Variants in RIMS2 observed in about 807,000 individuals in gnomAD.
RIMS2 encodes regulating synaptic membrane exocytosis protein 2.
In RIMS2, 59 loss-of-function variants were observed where a neutral mutation model predicts 174.4. That is an observed-to-expected ratio of 0.34 (90% CI 0.27 to 0.42). The LOEUF (loss-of-function observed/expected upper bound fraction) is 0.42. RIMS2 is among the 10% of genes least tolerant of loss of function. RIMS2 has a pLI of 1.00. For synonymous variants in RIMS2, 606 were observed against 572.5 expected, an observed-to-expected ratio of 1.06 and a Z score of -0.84; for missense variants, 1,620 against 1,666.3, an observed-to-expected ratio of 0.97 and a Z score of 0.48.
At chr8:103,926,086 T>C (rs1408132247) in intron 10 of RIMS2, among the ~76,000 whole-genome samples, 1 of 151,674 alleles carries the variant, frequency 6.6e-6, no homozygotes, top group Admixed American at 6.6e-5. Context: ...AAATGTTTGC[T>C]TTTAAAGGAT....
At chr8:103,764,654 T>C in intron 2 of RIMS2, among the ~76,000 whole-genome samples, 1 of 152,248 alleles carries the variant, frequency 6.6e-6, no homozygotes, top group East Asian at 1.9e-4. Context: ...AAAATACTTA[T>C]AAAAATAAAA....
chr8:103,601,739 G>A (rs910662314), intron 1 of RIMS2, among the ~76,000 whole-genome samples: 1 of 151,394 alleles, frequency 6.6e-6, no homozygotes, highest in Non-Finnish European at 1.5e-5. Context: ...TCTCTTTCCT[G>A]TCTTTTTTAG....
At chr8:103,653,994 G>T (rs1420939706) in intron 1 of RIMS2, among the ~76,000 whole-genome samples, 1 of 151,912 alleles carries the variant, frequency 6.6e-6, no homozygotes, top group East Asian at 1.9e-4. Flanking sequence ...ATGACATAAG[G>T]AGTAAAATTA....
intron 15 of RIMS2, among the ~76,000 whole-genome samples, chr8:103,972,892 G>A (rs572669627): frequency 1.3e-5 from 2 of 151,918 alleles, no homozygotes; most frequent in African/African-American, 2.4e-5. Flanking sequence ...GCTGTATGTG[G>A]TTATTTAAAT....
At chr8:104,245,863 T>A (rs996900222) in intron 20 of RIMS2, among the ~76,000 whole-genome samples, 1 of 152,198 alleles carries the variant, frequency 6.6e-6, no homozygotes, top group Non-Finnish European at 1.5e-5. Flanking sequence ...ACAACATAAA[T>A]ACAAGAGATA....
At chr8:103,753,483 T>G (rs1021654549) in intron 2 of RIMS2, among the ~76,000 whole-genome samples, 4 of 152,216 alleles carry the variant, frequency 2.6e-5, no homozygotes, top group Non-Finnish European at 5.9e-5. Flanking sequence ...CCTCTTTTTC[T>G]ATTGATTGGA....
intron 2 of RIMS2, among the ~76,000 whole-genome samples, chr8:103,729,187 A>G (rs1199252201): frequency 1.3e-5 from 2 of 152,138 alleles, no homozygotes; most frequent in African/African-American, 2.4e-5. Flanking sequence ...AAATTCAGCA[A>G]TGAAGACGTT....
chr8:103,812,906 G>T (rs1314468799), intron 3 of RIMS2, among the ~76,000 whole-genome samples: 2 of 152,118 alleles, frequency 1.3e-5, no homozygotes, highest in Non-Finnish European at 2.9e-5. Flanking sequence ...ATAGCCTTTA[G>T]ATTTTTATCA....
At chr8:103,935,565 T>C (rs1377170686) in intron 12 of RIMS2, among the ~76,000 whole-genome samples, 1 of 152,196 alleles carries the variant, frequency 6.6e-6, no homozygotes, top group East Asian at 1.9e-4. Context: ...TGTGTTGTGC[T>C]GAGATAATTT....
At chr8:103,577,291 G>A (rs2093317904) in intron 1 of RIMS2, among the ~76,000 whole-genome samples, 1 of 152,152 alleles carries the variant, frequency 6.6e-6, no homozygotes, top group African/African-American at 2.4e-5. Context: ...CTCAAAAGGA[G>A]ACATCTATGC....
chr8:103,838,106 C>T (rs1276969571), intron 3 of RIMS2, among the ~76,000 whole-genome samples: 1 of 152,020 alleles, frequency 6.6e-6, no homozygotes, highest in African/African-American at 2.4e-5. Context: ...GCCATCATGC[C>T]TGGCTAATTT....
chr8:103,663,552 A>C (rs1158972659), intron 1 of RIMS2, among the ~76,000 whole-genome samples: 1 of 152,184 alleles, frequency 6.6e-6, no homozygotes, highest in Non-Finnish European at 1.5e-5. Flanking sequence ...ATAGAATAAA[A>C]TACCTAGGAA....
chr8:104,085,468 A>G (rs1031721277), intron 19 of RIMS2, among the ~76,000 whole-genome samples: 12 of 152,198 alleles, frequency 7.9e-5, no homozygotes, highest in African/African-American at 2.4e-4. Flanking sequence ...ATCACCTTAC[A>G]TACAAGGTAG....
At chr8:103,943,011 T>C in intron 14 of RIMS2, 85 bp downstream of exon 16, 1 of 936,854 alleles carries the variant, frequency 1.1e-6, no homozygotes, top group Non-Finnish European at 1.6e-6. Flanking sequence ...TGAAGATATC[T>C]TTGTGAATAT....
chr8:103,864,192 A>G lies in RIMS2; in HGVS notation c.699-21106A>G, dbSNP rs188144998. 2.5e-4 allele frequency among the ~76,000 whole-genome samples: 38 copies of G among 150,256 alleles called. No individual in the cohort carries two copies. The East Asian group carries it at 6.7e-3, about 26-fold the overall frequency. The stretch of plus-strand genomic sequence containing the variant: ...TTGTCTCAGTTTCATTTAGTTCATC[A>G]TTATTTTTTTTTTCTTCTGCTACCT... On this transcript the variant is annotated intron_variant, in intron 3 of 23. Transcript: ENST00000504942.
chr8:103,773,472 G>A (rs1442841350), intron 3 of RIMS2, among the ~76,000 whole-genome samples: 1 of 152,234 alleles, frequency 6.6e-6, no homozygotes, highest in Non-Finnish European at 1.5e-5. Context: ...GCTCACGCCT[G>A]TAATCCCAGC....
intron 19 of RIMS2, among the ~76,000 whole-genome samples, chr8:104,134,499 CT>C (rs2098502160): frequency 6.6e-6 from 1 of 152,126 alleles, no homozygotes. Flanking sequence ...GAAAGCTCTG[CT>C]TTTGTCTGCA....
At chr8:103,896,802 T>C (rs2099280754) in intron 4 of RIMS2, among the ~76,000 whole-genome samples, 1 of 151,606 alleles carries the variant, frequency 6.6e-6, no homozygotes, top group African/African-American at 2.4e-5. Flanking sequence ...TGGTCTAACA[T>C]AGCAGTTTCC....
chr8:104,153,145 T>G (rs2098700372), intron 19 of RIMS2, among the ~76,000 whole-genome samples: 1 of 152,172 alleles, frequency 6.6e-6, no homozygotes, highest in Non-Finnish European at 1.5e-5. Context: ...TATAACTCTC[T>G]TCTGTCACAC....
Sources: gnomAD v4.1 joint callset for allele counts (sites outside exome capture counted in the v4.1 genomes callset) on GRCh38, gnomAD v4.1.1 for gene constraint, MANE v1.5 for transcripts, NCBI Gene and HGNC (gene_info 2026-07-23, HGNC 2026-07-21) for gene names.